Variants in DENND2A observed in about 807,000 individuals in gnomAD.
The protein encoded by DENND2A is DENN domain-containing protein 2A.
In DENND2A, 53 loss-of-function variants were observed where a neutral mutation model predicts 105.3. That is an observed-to-expected ratio of 0.50 (90% CI 0.40 to 0.63). The LOEUF (loss-of-function observed/expected upper bound fraction) is 0.63, where lower values mean the gene tolerates loss of function less well. Ranked by LOEUF, DENND2A falls within the 30% of genes least tolerant of loss-of-function variation. The pLI, the probability that DENND2A is intolerant of heterozygous loss-of-function variation, is 0.00. For missense variants in DENND2A, 1,138 were observed against 1,279.6 expected, an observed-to-expected ratio of 0.89 and a Z score of 1.69; for synonymous variants, 522 against 508.4, an observed-to-expected ratio of 1.03 and a Z score of -0.36.
At chr7:140,580,408 C>T (rs191322892) in intron 5 of DENND2A, among the ~76,000 whole-genome samples, 176 of 152,292 alleles carry the variant, frequency 1.2e-3, no homozygotes, top group African/African-American at 4.0e-3. Context: ...CAGCCTTGGA[C>T]TCCTGGGTTC....
At chr7:140,631,892 C>T (rs1278263047) in intron 1 of DENND2A, among the ~76,000 whole-genome samples, 1 of 152,086 alleles carries the variant, frequency 6.6e-6, no homozygotes, top group Admixed American at 6.6e-5. Flanking sequence ...TCTATCTTCG[C>T]GGTCACCACC....
At chr7:140,607,938 C>T (rs1488968447) in intron 1 of DENND2A, among the ~76,000 whole-genome samples, 3 of 152,180 alleles carry the variant, frequency 2.0e-5, no homozygotes, top group Non-Finnish European at 2.9e-5. Context: ...GAGTCTCTGC[C>T]GTCATCGAGA....
rs746618150 is a variant in DENND2A at position 140,527,368 on chromosome 7, C to T, written c.2455G>A (p.Gly819Arg). 5.6e-6 allele frequency: 9 copies of T among 1,604,338 alleles called. No individual in the cohort carries two copies. Among genetic ancestry groups the T allele is most frequent in the African/African-American group, 1.3e-5 (1 of 74,950 alleles). The part of the protein sequence containing the change: ...IVCSPTPFLI[G>R]LLSSSLPLLR... ...AGTGGCAGCGAGCTGGAGAGCAGCCCGATGAGGAAGGGCGTCGGCGAGCAC... is the reference window on the plus strand; with the variant it reads ...AGTGGCAGCGAGCTGGAGAGCAGCCTGATGAGGAAGGGCGTCGGCGAGCAC... Residue 819 changes from glycine (G) to arginine (R), a missense_variant, in exon 15 of 20, where the codon GGG becomes AGG. Around this residue, in one of 2 missense-constraint regions of DENND2A, gnomAD observed 627 missense variants for 779.8 expected, o/e 0.80. Transcript: ENST00000496613. This position sits in a 1 kb window ranked among gnomAD's most constrained non-coding sequence, Gnocchi z 4.9.
chr7:140,587,414 C>T (rs1426374314), intron 4 of DENND2A, among the ~76,000 whole-genome samples: 1 of 152,160 alleles, frequency 6.6e-6, no homozygotes, highest in Non-Finnish European at 1.5e-5. Context: ...TGCCACACTG[C>T]CTCCTTGGCC....
chr7:140,600,950 G>T lies in DENND2A; in HGVS notation c.995+453C>A, dbSNP rs531383393. 7.9e-5 allele frequency among the ~76,000 whole-genome samples: 12 copies of T among 152,244 alleles called. No homozygotes were observed. The East Asian group carries it at 1.2e-3, about 15-fold the overall frequency. Reference sequence around the variant, plus strand: ...GCGTGCATCCATATGTATAAATGAGGAAACTGAGGCTTCGAGAGGTTAGAT... The same window carrying T: ...GCGTGCATCCATATGTATAAATGAGTAAACTGAGGCTTCGAGAGGTTAGAT... On this transcript the variant is annotated intron_variant, in intron 3 of 19. Coordinates refer to ENST00000496613, the MANE Select transcript of DENND2A (RefSeq NM_015689.5).
chr7:140,527,378 G>A lies in DENND2A; in HGVS notation c.2445C>T (p.Pro815=). ...AGCTGGAGAGCAGCCCGATGAGGAA[G>A]GGCGTCGGCGAGCACACGATGTCGA... The part of the protein sequence containing the change: ...AMVDIVCSPT[P]FLIGLLSSSL... Residue 815 remains proline (P), a synonymous_variant, in exon 15 of 20, where the codon CCC becomes CCT. Transcript: ENST00000496613. The surrounding 1 kb of genome is among the most constrained non-coding windows in gnomAD (Gnocchi z 4.9). 1 of 1,606,688 alleles carries A rather than the reference G, an allele frequency of 6.2e-7. No homozygotes were observed. The highest frequency in any genetic ancestry group is 8.5e-7 in the Non-Finnish European group (1 of 1,177,840).
At chr7:140,612,768 C>T (rs1182324051) in intron 1 of DENND2A, among the ~76,000 whole-genome samples, 1 of 151,932 alleles carries the variant, frequency 6.6e-6, no homozygotes, top group East Asian at 2.0e-4. Context: ...TCCCAAAGTA[C>T]TGGGATTACA....
chr7:140,541,860 A>G (rs1796672907), intron 14 of DENND2A, among the ~76,000 whole-genome samples: 1 of 152,228 alleles, frequency 6.6e-6, no homozygotes, highest in African/African-American at 2.4e-5. Context: ...TGCTGTCCAA[A>G]GAGGTGCATC....
chr7:140,606,846 A>T (rs1799705482), intron 1 of DENND2A, among the ~76,000 whole-genome samples: 1 of 152,166 alleles, frequency 6.6e-6, no homozygotes, highest in African/African-American at 2.4e-5. Context: ...CCCCCATATA[A>T]ACTGAAGTAA....
chr7:140,530,222 TCAA>T (rs996165870), intron 14 of DENND2A, among the ~76,000 whole-genome samples: 2 of 152,122 alleles, frequency 1.3e-5, no homozygotes, highest in African/African-American at 4.8e-5. Context: ...AGACCCTGTC[TCAA>T]CAACAACAAA....
At chr7:140,532,767 C>T (rs888110815) in intron 14 of DENND2A, among the ~76,000 whole-genome samples, 1 of 152,058 alleles carries the variant, frequency 6.6e-6, no homozygotes, top group African/African-American at 2.4e-5. Flanking sequence ...TGCCTGTAGT[C>T]CCAGCTACTG....
intron 14 of DENND2A, among the ~76,000 whole-genome samples, chr7:140,535,896 A>T (rs1585572147): frequency 6.6e-6 from 1 of 152,144 alleles, no homozygotes; most frequent in East Asian, 1.9e-4. Flanking sequence ...TTCCAACTTT[A>T]ACATCTACAA....
chr7:140,567,177 T>C lies in DENND2A; in HGVS notation c.1688A>G (p.Gln563Arg). 6.2e-7 allele frequency: 1 copy of C among 1,613,872 alleles called. No individual in the cohort carries two copies. Among genetic ancestry groups the C allele is most frequent in the Non-Finnish European group, 8.5e-7 (1 of 1,179,946 alleles). The change falls in exon 9 of 20, where the codon CAG becomes CGG. Residue 563 changes from glutamine (Q) to arginine (R), a missense_variant. Gln to Arg is a conservative substitution (Grantham distance 43, BLOSUM62 1). Transcript: ENST00000496613. The stretch of plus-strand genomic sequence containing the variant: ...CACAACCACAAAGTACTCGAAGAGC[T>C]GCCTCTCCTGGTACTCGATGAGTTC... ...ARELIEYQER[Q>R]LFEYFVVVSL...
Position 140,519,682 on chromosome 7 carries a change from G to A in DENND2A, c.2948C>T (p.Thr983Ile), listed in dbSNP as rs1795783399. ...FEVRAQEYLE[T>I]LPSGEHSGVN... ...ACCGCTGTGCTCTCCACTGGGGAGTGTTTCCAGATACTCTTGGGCTCGGAC... is the reference window on the plus strand; with the variant it reads ...ACCGCTGTGCTCTCCACTGGGGAGTATTTCCAGATACTCTTGGGCTCGGAC... The change falls in exon 19 of 20, where the codon ACA becomes ATA. Residue 983 changes from threonine (T) to isoleucine (I), a missense_variant. Thr to Ile is a moderately conservative substitution (Grantham distance 89). Transcript: ENST00000496613. The A allele has an allele frequency of 1.2e-6, 2 of 1,614,108 alleles. No homozygotes were observed. Among genetic ancestry groups the A allele is most frequent in the Non-Finnish European group, 1.7e-6 (2 of 1,180,024 alleles).
intron 14 of DENND2A, among the ~76,000 whole-genome samples, chr7:140,530,059 CAAA>C (rs3042405): frequency 1.6e-5 from 2 of 122,430 alleles, no homozygotes; most frequent in South Asian, 2.7e-4. Flanking sequence ...CCCTGTTTCT[CAAA>C]AAAAAAAAAA....
At chr7:140,520,570 T>C (rs909345657) in intron 18 of DENND2A, among the ~76,000 whole-genome samples, 4 of 152,052 alleles carry the variant, frequency 2.6e-5, no homozygotes, top group African/African-American at 9.6e-5. Context: ...CAGGGTTTTT[T>C]TTTTTTGAGA....
At chr7:140,639,335 G>C (rs1182948150) in intron 1 of DENND2A, among the ~76,000 whole-genome samples, 2 of 151,954 alleles carry the variant, frequency 1.3e-5, no homozygotes, top group African/African-American at 4.8e-5. Flanking sequence ...CAGGGTGACA[G>C]AGCAAGACTC....
At chr7:140,536,865 G>A (rs1350076531) in intron 14 of DENND2A, among the ~76,000 whole-genome samples, 3 of 151,996 alleles carry the variant, frequency 2.0e-5, no homozygotes, top group Admixed American at 1.3e-4. Context: ...GTTTCACCAT[G>A]TTGGCCAGGC....
At chr7:140,561,534 A>T (rs10808051) in intron 9 of DENND2A, among the ~76,000 whole-genome samples, 1 of 129,810 alleles carries the variant, frequency 7.7e-6, no homozygotes, top group Admixed American at 8.4e-5. Flanking sequence ...CAGTCTCACT[A>T]TGTCGCCCAG....
Sources: allele counts gnomAD v4.1 joint callset (sites outside exome capture counted in the v4.1 genomes callset), GRCh38; gene constraint gnomAD v4.1.1; regional missense constraint gnomAD v4.1.1; non-coding constraint Gnocchi (gnomAD v3.1); transcripts MANE v1.5; gene names NCBI Gene and HGNC (gene_info 2026-07-23, HGNC 2026-07-21).